Variants in CRPPA observed in about 807,000 individuals in gnomAD.
CRPPA encodes CDP-L-ribitol pyrophosphorylase A.
In CRPPA, 43 loss-of-function variants were observed where a neutral mutation model predicts 52.0. The observed-to-expected ratio is 0.83, with a 90% confidence interval of 0.65 to 1.07. The LOEUF is 1.07. Among genes scored for constraint, CRPPA ranks in the 50% least tolerant of loss-of-function variants. CRPPA has a pLI of 0.00. For missense variants in CRPPA, 629 were observed against 551.7 expected, an observed-to-expected ratio of 1.14 and a Z score of -1.40; for synonymous variants, 250 against 203.5, an observed-to-expected ratio of 1.23 and a Z score of -1.94.
intron 3 of CRPPA, among the ~76,000 whole-genome samples, chr7:16,337,593 A>C (rs1051738191): frequency 1.3e-5 from 2 of 152,066 alleles, no homozygotes; most frequent in East Asian, 3.9e-4. Context: ...GGAAAAAAAA[A>C]TTGACAACTG....
At chr7:16,355,954 C>G (rs568319317) in intron 3 of CRPPA, among the ~76,000 whole-genome samples, 2 of 152,002 alleles carry the variant, frequency 1.3e-5, no homozygotes, top group African/African-American at 4.8e-5. Context: ...TGTAAAAGAT[C>G]AGATGATTTG....
At chr7:16,362,180 A>G (rs1168724909) in intron 3 of CRPPA, among the ~76,000 whole-genome samples, 1 of 152,230 alleles carries the variant, frequency 6.6e-6, no homozygotes, top group East Asian at 1.9e-4. Context: ...AAAAGAGTGC[A>G]TGTCTCAGTC....
intron 9 of CRPPA, among the ~76,000 whole-genome samples, chr7:16,205,718 G>C (rs1781959542): frequency 6.6e-6 from 1 of 151,684 alleles, no homozygotes; most frequent in Admixed American, 6.6e-5. Context: ...TAGGGGCTTT[G>C]GCTTATTTCC....
chr7:16,257,961 C>T (rs777880168), intron 8 of CRPPA, among the ~76,000 whole-genome samples: 4 of 152,016 alleles, frequency 2.6e-5, no homozygotes, highest in Non-Finnish European at 4.4e-5. Context: ...CTTTTGCTTT[C>T]GGTGGAACAG....
At chr7:16,209,273 C>CTTTTTTTTTTTTTTGTTTTTTTT in intron 9 of CRPPA, 1 of 122,066 alleles carries the variant, frequency 8.2e-6, no homozygotes, top group Non-Finnish European at 1.8e-5. Flanking sequence ...TTCTAAGTGT[C>CTTTTTTTTTTTTTTGTTTTTTTT]TTTTTTTTTT....
chr7:16,302,663 AAT>A (rs1784814546), intron 4 of CRPPA, among the ~76,000 whole-genome samples: 1 of 152,150 alleles, frequency 6.6e-6, no homozygotes, highest in Non-Finnish European at 1.5e-5. Context: ...AGCACAATCA[AAT>A]AAAAGAGAGA....
Position 16,421,393 on chromosome 7 carries a change from C to T in CRPPA, c.-71G>A. On this transcript the variant is annotated 5_prime_UTR_variant, in exon 1 of 10. Transcript: ENST00000407010. ...ACCCCGCGCTGCTCCCACCCTCGGC[C>T]GGGGTCGCGGGGCGAAGGGCAGACC... The T allele has an allele frequency of 8.3e-7, 1 of 1,205,490 alleles. No individual in the cohort carries two copies. The highest frequency in any genetic ancestry group is 1.0e-6 in the Non-Finnish European group (1 of 969,626). The allele number at this position is 1,205,490 out of a possible 1,614,324, so 74.7% of individuals were successfully genotyped here.
At chr7:16,373,110 C>T (rs756046858) in intron 3 of CRPPA, among the ~76,000 whole-genome samples, 7 of 152,134 alleles carry the variant, frequency 4.6e-5, no homozygotes, top group Non-Finnish European at 1.0e-4. Flanking sequence ...GCCTGGCCAA[C>T]ATGGTGAAAC....
chr7:16,387,088 C>CAT (rs1305950837), intron 2 of CRPPA, among the ~76,000 whole-genome samples: 1 of 34,794 alleles, frequency 2.9e-5, no homozygotes, highest in African/African-American at 1.1e-4. Context: ...TATATATATA[C>CAT]ACACATATAT....
intron 9 of CRPPA, among the ~76,000 whole-genome samples, chr7:16,096,926 C>T (rs1215814747): frequency 6.6e-6 from 1 of 152,092 alleles, no homozygotes; most frequent in Admixed American, 6.6e-5. Flanking sequence ...CTTCTTTCTG[C>T]TTTGCTATAT....
chr7:16,130,000 C>T (rs7787081), intron 9 of CRPPA, among the ~76,000 whole-genome samples: 3,208 of 152,236 alleles, frequency 0.021, 117 homozygotes, highest in African/African-American at 0.072. Context: ...AAATAACTAT[C>T]GAATTTTTTA....
At chr7:16,167,208 G>A (rs960706979) in intron 9 of CRPPA, among the ~76,000 whole-genome samples, 1 of 152,138 alleles carries the variant, frequency 6.6e-6, no homozygotes. Context: ...TTACAGGCGT[G>A]AGCCACCGCG....
intron 3 of CRPPA, among the ~76,000 whole-genome samples, chr7:16,350,209 G>T (rs1017864462): frequency 3.9e-5 from 6 of 152,040 alleles, no homozygotes; most frequent in Non-Finnish European, 8.8e-5. Context: ...AGCTGAAAAA[G>T]TTGATCACCA....
chr7:16,179,494 G>T (rs180939720), intron 9 of CRPPA, among the ~76,000 whole-genome samples: 9 of 152,166 alleles, frequency 5.9e-5, no homozygotes, highest in African/African-American at 1.7e-4. Context: ...AGGTAGATGG[G>T]TAAGAGAGAG....
chr7:16,337,799 A>C (rs1785725028), intron 3 of CRPPA, among the ~76,000 whole-genome samples: 1 of 152,152 alleles, frequency 6.6e-6, no homozygotes, highest in Admixed American at 6.5e-5. Context: ...AACACAGACA[A>C]CCTACCAAAC....
At chr7:16,251,766 G>C (rs1017514247) in intron 8 of CRPPA, among the ~76,000 whole-genome samples, 2 of 152,122 alleles carry the variant, frequency 1.3e-5, no homozygotes, top group Non-Finnish European at 2.9e-5. Context: ...ATACCCACAA[G>C]AGAAAGCAGG....
At position 16,362,582 on chromosome 7, in the gene CRPPA, G is replaced by C. The variant is rs78574435; in HGVS notation, c.684+13510C>G. Reference sequence around the variant, plus strand: ...TCAGAGAAGAAATTATCCATGCTTTGAAAATATGTATATTTAACTTTATAA... The same window carrying C: ...TCAGAGAAGAAATTATCCATGCTTTCAAAATATGTATATTTAACTTTATAA... On this transcript the variant is annotated intron_variant, in intron 3 of 9. Coordinates refer to ENST00000407010, the MANE Select transcript of CRPPA (RefSeq NM_001101426.4). Among the ~76,000 whole-genome samples the C allele has an allele frequency of 4.7e-3, 711 of 152,268 alleles. 6 individuals are homozygous for C. The highest frequency in any genetic ancestry group is 0.017 in the African/African-American group (693 of 41,540).
chr7:16,166,778 G>A (rs888980978), intron 9 of CRPPA, among the ~76,000 whole-genome samples: 8 of 151,962 alleles, frequency 5.3e-5, no homozygotes, highest in African/African-American at 9.7e-5. Flanking sequence ...CTCTCAATAT[G>A]AGCCCAGCAC....
chr7:16,169,584 C>A (rs116361421), intron 9 of CRPPA, among the ~76,000 whole-genome samples: 4 of 152,176 alleles, frequency 2.6e-5, no homozygotes, highest in South Asian at 2.1e-4. Context: ...AATTGTAAGG[C>A]TTTAAATTCA....
Sources: gnomAD v4.1 joint callset for allele counts (sites outside exome capture counted in the v4.1 genomes callset) on GRCh38, gnomAD v4.1.1 for gene constraint, MANE v1.5 for transcripts, NCBI Gene and HGNC (gene_info 2026-07-23, HGNC 2026-07-21) for gene names.